The following SPATS2L variants were observed in gnomAD, a reference collection of about 807,000 sequenced individuals.
SPATS2L encodes SPATS2-like protein.
SPATS2L carries 30 observed loss-of-function variants against 59.6 expected under a neutral mutation model. The observed-to-expected ratio is 0.50, with a 90% CI of 0.38 to 0.68. The LOEUF (loss-of-function observed/expected upper bound fraction) is 0.68, where lower values mean the gene tolerates loss of function less well. Ranked by LOEUF, SPATS2L falls within the 30% of genes least tolerant of loss-of-function variation. SPATS2L has a pLI of 0.00. For synonymous variants in SPATS2L, 252 were observed against 263.5 expected (o/e 0.96, Z 0.42); for missense variants, 615 against 700.0 (o/e 0.88, Z 1.37).
chr2:200,426,161 G>A (rs2083569199), intron 6 of SPATS2L, among the ~76,000 whole-genome samples: 1 of 127,928 alleles, frequency 7.8e-6, no homozygotes, highest in African/African-American at 3.0e-5. Context: ...CGCGATCTCA[G>A]CTCACTGCAA....
intron 6 of SPATS2L, among the ~76,000 whole-genome samples, chr2:200,420,521 G>A (rs1186340860): frequency 1.3e-5 from 2 of 152,140 alleles, no homozygotes; most frequent in South Asian, 4.1e-4. Context: ...ACGTATATTT[G>A]TATATAACAT....
chr2:200,477,066 G>A (rs1271867610), intron 12 of SPATS2L, among the ~76,000 whole-genome samples: 1 of 152,180 alleles, frequency 6.6e-6, no homozygotes, highest in African/African-American at 2.4e-5. Context: ...CTCTGTGCCA[G>A]TGGAGCCTGG....
intron 2 of SPATS2L, among the ~76,000 whole-genome samples, chr2:200,386,314 A>G (rs1193252352): frequency 6.6e-6 from 1 of 152,200 alleles, no homozygotes; most frequent in Non-Finnish European, 1.5e-5. Flanking sequence ...CTACCCTCAC[A>G]GCCAGCATTT....
chr2:200,312,032 T>C (rs2105746737), intron 1 of SPATS2L, among the ~76,000 whole-genome samples: 2 of 152,344 alleles, frequency 1.3e-5, no homozygotes, highest in Non-Finnish European at 2.9e-5. Flanking sequence ...GCTAGGAGTC[T>C]TCTGAGCATT....
chr2:200,373,429 A>G (rs1372345369), intron 2 of SPATS2L, among the ~76,000 whole-genome samples: 1 of 152,230 alleles, frequency 6.6e-6, no homozygotes, highest in African/African-American at 2.4e-5. Context: ...AATGAAACCA[A>G]GACTTAAAGA....
At chr2:200,393,175 A>G (rs2082222565) in intron 3 of SPATS2L, 3 of 456,650 alleles carry the variant, frequency 6.6e-6, no homozygotes, top group Non-Finnish European at 1.3e-5. Context: ...GAGATAGAAC[A>G]GCTCCTAAAG....
In SPATS2L at chr2:200,333,955, A is replaced by G. The variant is rs570172988; in HGVS notation, c.-23+4475A>G. On this transcript the variant is annotated intron_variant, in intron 2 of 12. Coordinates refer to ENST00000409140, the MANE Select transcript of SPATS2L (RefSeq NM_001100423.2). ...CTTTGCTATTGTGAATAGTGCCGCAATAAACATACATGTGCATGTGTCTTT... is the reference window on the plus strand; with the variant it reads ...CTTTGCTATTGTGAATAGTGCCGCAGTAAACATACATGTGCATGTGTCTTT... 5.3e-5 allele frequency among the ~76,000 whole-genome samples: 8 copies of G among 152,290 alleles called. No individual in the cohort carries two copies. In the South Asian group the frequency reaches 8.3e-4, roughly 16 times the overall value.
intron 5 of SPATS2L, among the ~76,000 whole-genome samples, chr2:200,417,250 C>T (rs1227213903): frequency 6.6e-6 from 1 of 152,162 alleles, no homozygotes; most frequent in Non-Finnish European, 1.5e-5. Flanking sequence ...CAAACAATAA[C>T]ACAGTATTAC....
At chr2:200,394,400 C>A (rs2082266664) in intron 3 of SPATS2L, among the ~76,000 whole-genome samples, 1 of 152,160 alleles carries the variant, frequency 6.6e-6, no homozygotes, top group African/African-American at 2.4e-5. Context: ...CTGTCATTCA[C>A]CTTGTACTTC....
At chr2:200,329,288 T>C (rs2079856561) in intron 1 of SPATS2L, 143 bp from the exon 2 acceptor site, 1 of 684,576 alleles carries the variant, frequency 1.5e-6, no homozygotes, top group South Asian at 1.8e-5. Flanking sequence ...TGGAGTCACA[T>C]AGCTGTTAAG....
At chr2:200,367,744 A>C (rs1032896151) in intron 2 of SPATS2L, among the ~76,000 whole-genome samples, 1 of 152,212 alleles carries the variant, frequency 6.6e-6, no homozygotes, top group Non-Finnish European at 1.5e-5. Context: ...GAATGTGTGA[A>C]TGAAAGTTCA....
intron 8 of SPATS2L, among the ~76,000 whole-genome samples, chr2:200,441,781 G>T (rs1425454400): frequency 6.6e-6 from 1 of 152,136 alleles, no homozygotes; most frequent in Non-Finnish European, 1.5e-5. Flanking sequence ...TATCCACCAT[G>T]CCCAAGCTCA....
chr2:200,314,609 G>A (rs966371764), intron 1 of SPATS2L, among the ~76,000 whole-genome samples: 2 of 152,132 alleles, frequency 1.3e-5, no homozygotes, highest in Non-Finnish European at 2.9e-5. Context: ...TTCCCTTCAG[G>A]TGTGTGTCAG....
chr2:200,306,681 C>T (rs1042796609), upstream of SPATS2L: 363 of 985,766 alleles, frequency 3.7e-4, 1 homozygote, highest in African/African-American at 5.8e-3. Context: ...CTGCGTGGGG[C>T]GGCCGAGCCG....
chr2:200,325,566 A>G (rs903771104), intron 1 of SPATS2L, among the ~76,000 whole-genome samples: 2 of 151,984 alleles, frequency 1.3e-5, no homozygotes, highest in African/African-American at 4.8e-5. Flanking sequence ...TTTAGTAGAG[A>G]TGGGGTTTCA....
rs542725699 is a variant in SPATS2L, at chr2:200,415,753, T to C, written c.149-626T>C. On this transcript the variant is annotated intron_variant, in intron 4 of 12. Transcript: ENST00000409140. ...CTGAGTCAGTGCAGTTCTACCGATA[T>C]ATGTGAATGGGATGGACAGAACCTG... Among the ~76,000 whole-genome samples, 7 of 152,290 alleles carry C rather than the reference T, an allele frequency of 4.6e-5. No individual in the cohort carries two copies. The East Asian group carries it at 9.6e-4, about 21-fold the overall frequency.
chr2:200,355,807 TTCAG>T (rs141286423), intron 2 of SPATS2L, among the ~76,000 whole-genome samples: 225 of 152,348 alleles, frequency 1.5e-3, no homozygotes, highest in African/African-American at 5.0e-3. Context: ...TGTCTCTGAC[TTCAG>T]TATTATGCTA....
chr2:200,306,565 C>A, upstream of SPATS2L: 8 of 998,070 alleles, frequency 8.0e-6, no homozygotes, highest in South Asian at 4.7e-5. Flanking sequence ...TGTTTGCGAG[C>A]GGGAGCGAGG....
At chr2:200,425,611 A>G (rs979397165) in intron 6 of SPATS2L, among the ~76,000 whole-genome samples, 1 of 152,226 alleles carries the variant, frequency 6.6e-6, no homozygotes, top group Non-Finnish European at 1.5e-5. Context: ...TGAGATATAT[A>G]AAGTGATTAG....
Sources: allele counts gnomAD v4.1 joint callset (sites outside exome capture counted in the v4.1 genomes callset), GRCh38; gene constraint gnomAD v4.1.1; transcripts MANE v1.5; gene names NCBI Gene and HGNC (gene_info 2026-07-23, HGNC 2026-07-21).